Variants in HSDL1 observed in about 807,000 individuals in gnomAD.
The protein encoded by HSDL1 is inactive hydroxysteroid dehydrogenase-like protein 1.
A neutral mutation model predicts 31.5 loss-of-function variants in HSDL1; 29 were observed. The observed-to-expected ratio is 0.92, with a 90% CI of 0.69 to 1.26. The LOEUF (loss-of-function observed/expected upper bound fraction) is 1.26. HSDL1 is among the 50% of genes most tolerant of loss of function. HSDL1 has a pLI of 0.00. For missense variants in HSDL1, 503 were observed against 416.6 expected, an observed-to-expected ratio of 1.21 and a Z score of -1.81; for synonymous variants, 222 against 155.2, an observed-to-expected ratio of 1.43 and a Z score of -3.20.
chr16:84,128,592 G>A (rs141633745), intron 5 of HSDL1, among the ~76,000 whole-genome samples: 3 of 151,950 alleles, frequency 2.0e-5, no homozygotes, highest in Admixed American at 6.5e-5. Context: ...TGGTTTTTTT[G>A]GATTATATTT....
rs991373145 is a variant in HSDL1, at chr16:84,123,305, T to A, written c.*1325A>T. On this transcript the variant is annotated 3_prime_UTR_variant, in exon 6 of 6. Coordinates refer to ENST00000219439, the MANE Select transcript of HSDL1 (RefSeq NM_031463.5). ...AAAAATGCCACAGAAGTCCAGACTT[T>A]TAACCAATCTACTAGCTTCTGCATC... 9.2e-5 allele frequency: 14 copies of A among 152,342 alleles called. No individual in the cohort carries two copies. The East Asian group carries it at 1.3e-3, about 15-fold the overall frequency. The allele number at this position is 152,342 out of a possible 1,614,324, so 9.4% of individuals were successfully genotyped here.
At chr16:84,138,251 C>T (rs1196294521) in intron 1 of HSDL1, among the ~76,000 whole-genome samples, 5 of 152,214 alleles carry the variant, frequency 3.3e-5, no homozygotes, top group Non-Finnish European at 5.9e-5. Context: ...GTACAATCTA[C>T]CTGCAAGAAC....
intron 1 of HSDL1, among the ~76,000 whole-genome samples, chr16:84,141,268 G>A (rs974972401): frequency 2.6e-5 from 4 of 151,982 alleles, no homozygotes; most frequent in Admixed American, 6.6e-5. Flanking sequence ...AGTATCTCAC[G>A]GTTCAGATGC....
At chr16:84,127,876 G>C (rs1001682562) in intron 5 of HSDL1, among the ~76,000 whole-genome samples, 1 of 150,658 alleles carries the variant, frequency 6.6e-6, no homozygotes, top group African/African-American at 2.4e-5. Context: ...CCACCACCAC[G>C]CCTAGCTAAT....
intron 2 of HSDL1, among the ~76,000 whole-genome samples, chr16:84,134,157 C>A (rs1345813378): frequency 6.6e-6 from 1 of 152,102 alleles, no homozygotes; most frequent in Non-Finnish European, 1.5e-5. Context: ...GTTTCCAGAT[C>A]TGCATGAGAG....
chr16:84,141,925 A>C (rs748512156), intron 1 of HSDL1, among the ~76,000 whole-genome samples: 11 of 152,122 alleles, frequency 7.2e-5, no homozygotes, highest in Admixed American at 1.3e-4. Flanking sequence ...TTCATGAACT[A>C]AATGTGTTGT....
intron 1 of HSDL1, chr16:84,144,167 C>G (rs374999131): frequency 1.3e-5 from 2 of 152,008 alleles, no homozygotes; most frequent in Admixed American, 1.3e-4. Flanking sequence ...TTCCTATTGT[C>G]TCACTTTATT....
chr16:84,129,983 G>T lies in HSDL1; in HGVS notation c.666+3C>A. On this transcript the variant is annotated splice_donor_region_variant and intron_variant, in intron 4 of 5. Coordinates refer to ENST00000219439, the MANE Select transcript of HSDL1 (RefSeq NM_031463.5). The stretch of plus-strand genomic sequence containing the variant: ...TTTCATCTTCCAGTAAGTAACATCT[G>T]ACCTTAGAAGCAGAAAATGCAGCCA... 1 of 1,611,382 alleles carries T rather than the reference G, an allele frequency of 6.2e-7. No homozygotes were observed. The highest frequency in any genetic ancestry group is 8.5e-7 in the Non-Finnish European group (1 of 1,178,094).
At chr16:84,136,781 T>C (rs955672870) in intron 1 of HSDL1, among the ~76,000 whole-genome samples, 1 of 152,252 alleles carries the variant, frequency 6.6e-6, no homozygotes, top group Non-Finnish European at 1.5e-5. Context: ...ATTGTTGCTA[T>C]GTATATTTTA....
At position 84,131,231 on chromosome 16, in the gene HSDL1, AG is replaced by A; in HGVS notation, c.90del (p.Trp31GlyfsTer17). The A allele has an allele frequency of 6.2e-7, 1 of 1,614,206 alleles. No homozygotes were observed. The highest frequency in any genetic ancestry group is 1.1e-5 in the South Asian group (1 of 91,082). On this transcript the variant is annotated frameshift_variant, in exon 3 of 6. Coordinates refer to ENST00000219439, the MANE Select transcript of HSDL1 (RefSeq NM_031463.5). LOFTEE classifies it high-confidence loss of function. ...CYMEALALVG[A>X]WYTARKSITV... ...GTGATGCTTTTTCTGGCCGTATACC[AG>A]GCTCCAACCAAAGCTAGAGCTTCCA...
In HSDL1 at chr16:84,124,931, CAACA is replaced by C. The variant is rs1423910563; in HGVS notation, c.895-207_895-204del. On this transcript the variant is annotated intron_variant, in intron 5 of 5. Coordinates refer to ENST00000219439, the MANE Select transcript of HSDL1 (RefSeq NM_031463.5). ...AATCACAACAAATACCCACCAATCA[CAACA>C]AATACCCACCAATCAATCATAACAA... is the stretch of plus-strand genomic sequence containing the variant. 2.6e-5 allele frequency: 9 copies of C among 352,016 alleles called. 1 individual carries two copies. The highest frequency in any genetic ancestry group is 1.5e-4 in the African/African-American group (6 of 38,832). The allele number at this position is 352,016 out of a possible 1,614,324, so 21.8% of individuals were successfully genotyped here.
At chr16:84,129,944 C>T (rs1457940134) in intron 4 of HSDL1, 42 bp downstream of exon 4, 1 of 1,574,468 alleles carries the variant, frequency 6.4e-7, no homozygotes, top group East Asian at 2.2e-5. Flanking sequence ...AATAAATGTT[C>T]TGTGGCATTA....
intron 2 of HSDL1, among the ~76,000 whole-genome samples, chr16:84,134,557 A>T (rs1280175973): frequency 6.6e-6 from 1 of 152,166 alleles, no homozygotes; most frequent in Non-Finnish European, 1.5e-5. Flanking sequence ...AGTAACAGTG[A>T]GCCAAGATTG....
At chr16:84,128,811 G>A (rs998565801) in intron 5 of HSDL1, among the ~76,000 whole-genome samples, 3 of 151,682 alleles carry the variant, frequency 2.0e-5, no homozygotes, top group Non-Finnish European at 4.4e-5. Flanking sequence ...GGGTTCAAGC[G>A]ATTCTCCTGC....
chr16:84,131,286 C>T lies in HSDL1; in HGVS notation c.36G>A (p.Arg12=), dbSNP rs931978880. The change falls in exon 3 of 6, where the codon AGG becomes AGA. Residue 12 remains arginine (R), a synonymous_variant. Coordinates refer to ENST00000219439, the MANE Select transcript of HSDL1 (RefSeq NM_031463.5). ...AAVDSFYLLY[R]EIARSCNCYM... The stretch of plus-strand genomic sequence containing the variant: ...AGCAATTGCAAGACCTGGCGATTTC[C>T]CTGTACAAGAGGTAGAAACTGTCAA... 1.9e-6 allele frequency: 3 copies of T among 1,614,126 alleles called. No individual in the cohort carries two copies. In the Admixed American group the frequency reaches 5.0e-5, roughly 27 times the overall value.
chr16:84,129,917 C>A, intron 4 of HSDL1, 69 bp downstream of exon 4: 1 of 1,517,776 alleles, frequency 6.6e-7, no homozygotes, highest in South Asian at 1.2e-5. Context: ...TTCAACAAAT[C>A]AGACCAAACA....
chr16:84,140,019 A>G (rs1384224746), intron 1 of HSDL1, among the ~76,000 whole-genome samples: 1 of 152,084 alleles, frequency 6.6e-6, no homozygotes, highest in East Asian at 1.9e-4. Flanking sequence ...ACTTCCTAAC[A>G]AGCACCAACA....
At position 84,145,075 on chromosome 16, in the gene HSDL1, G is replaced by A. The variant is rs1017601102; in HGVS notation, c.-69+5C>T. 6.4e-6 allele frequency: 1 copy of A among 157,004 alleles called. No homozygotes were observed. Among genetic ancestry groups the A allele is most frequent in the East Asian group, 1.9e-4 (1 of 5,318 alleles). The allele number at this position is 157,004 out of a possible 1,614,324, so 9.7% of individuals were successfully genotyped here. On this transcript the variant is annotated splice_donor_5th_base_variant and intron_variant, in intron 1 of 5. Coordinates refer to ENST00000219439, the MANE Select transcript of HSDL1 (RefSeq NM_031463.5). ...AGGGCGCCCAGGGCGCGGGGGGCGC[G>A]GTACCTGCAGGCCGGCAAAGTCTTC... is the stretch of plus-strand genomic sequence containing the variant.
At chr16:84,135,830 TC>T (rs778916964) in intron 1 of HSDL1, among the ~76,000 whole-genome samples, 10 of 152,224 alleles carry the variant, frequency 6.6e-5, no homozygotes, top group Non-Finnish European at 1.3e-4. Context: ...AGTCCATGCG[TC>T]CTCAGGCACA....
Sources: gnomAD v4.1 joint callset for allele counts (sites outside exome capture counted in the v4.1 genomes callset) on GRCh38, gnomAD v4.1.1 for gene constraint, MANE v1.5 for transcripts, NCBI Gene and HGNC (gene_info 2026-07-23, HGNC 2026-07-21) for gene names.